BRAP: variants seen among roughly 807,000 people sequenced by gnomAD.
BRAP encodes BRCA1-associated protein.
In BRAP, 42 loss-of-function variants were observed where a neutral mutation model predicts 73.4. That is an observed-to-expected ratio of 0.57 (90% CI 0.45 to 0.74). The LOEUF is 0.74. BRAP is among the 30% of genes least tolerant of loss of function. The pLI is 0.00. For missense variants in BRAP, 593 were observed against 751.4 expected, an observed-to-expected ratio of 0.79 and a Z score of 2.46; for synonymous variants, 255 against 267.4, an observed-to-expected ratio of 0.95 and a Z score of 0.45.
At position 111,679,323 on chromosome 12, in the gene BRAP, T is replaced by A. The variant is rs765169814; in HGVS notation, c.461A>T (p.Lys154Ile). The change falls in exon 4 of 12, where the codon AAA becomes ATA. Residue 154 changes from lysine to isoleucine, a missense_variant. Around this residue, in one of 4 missense-constraint regions of BRAP, gnomAD observed 304 missense variants for 337.7 expected, o/e 0.90. Coordinates refer to ENST00000419234, the MANE Select transcript of BRAP (RefSeq NM_006768.5). ...LYKTNKMTSL[K>I]EDVRRSAMLC... ...CATGGCACTGCGCCGCACATCTTCT[T>A]TTAAGGAGGTCATCTTACTAACAAA... is the stretch of plus-strand genomic sequence containing the variant. 1 of 1,547,976 alleles carries A rather than the reference T, an allele frequency of 6.5e-7. No individual in the cohort carries two copies. The highest frequency in any genetic ancestry group is 8.7e-7 in the Non-Finnish European group (1 of 1,143,376).
At chr12:111,651,056 A>C (rs146782636) in intron 10 of BRAP, among the ~76,000 whole-genome samples, 1 of 152,150 alleles carries the variant, frequency 6.6e-6, no homozygotes, top group Non-Finnish European at 1.5e-5. Flanking sequence ...GACACCAGCA[A>C]AAGATTTGGT....
Position 111,679,345 on chromosome 12 carries a change from C to CAAAA in BRAP, c.444-9_444-6dup. 7.5e-7 allele frequency: 1 copy of CAAAA among 1,336,700 alleles called. No individual in the cohort carries two copies. The highest frequency in any genetic ancestry group is 2.4e-5 in the Admixed American group (1 of 41,184). 82.8% of individuals were successfully genotyped at this position (1,336,700 alleles called of 1,614,324 possible). A position where few individuals can be genotyped will look rare whatever the true frequency, so the allele number is the denominator to read the frequency against. ...TCTTTTAAGGAGGTCATCTTACTAA[C>CAAAA]AAAAAAAAAATTAGAGTGTCTTGAA... On this transcript the variant is annotated splice_region_variant and splice_polypyrimidine_tract_variant and intron_variant, in intron 3 of 11. Coordinates refer to ENST00000419234, the MANE Select transcript of BRAP (RefSeq NM_006768.5).
chr12:111,684,153 C>T (rs949645242), intron 1 of BRAP, among the ~76,000 whole-genome samples: 1 of 152,166 alleles, frequency 6.6e-6, no homozygotes, highest in Non-Finnish European at 1.5e-5. Flanking sequence ...CTAATACATG[C>T]TCTGTCAGGG....
chr12:111,660,782 T>C, intron 6 of BRAP, 107 bp from the exon 7 acceptor site: 1 of 767,044 alleles, frequency 1.3e-6, no homozygotes, highest in Non-Finnish European at 2.0e-6. Flanking sequence ...TCTTATATGC[T>C]ATTTTTATCA....
At position 111,679,308 on chromosome 12, in the gene BRAP, C is replaced by T. The variant is rs760754350; in HGVS notation, c.476G>A (p.Arg159His). The change falls in exon 4 of 12, where the codon CGC becomes CAC. Residue 159 changes from arginine to histidine, a missense_variant. Arg to His is a conservative substitution (Grantham distance 29). Transcript: ENST00000419234. Reference sequence around the variant, plus strand: ...TGTGAGAATACACAGCATGGCACTGCGCCGCACATCTTCTTTTAAGGAGGT... The same window carrying T: ...TGTGAGAATACACAGCATGGCACTGTGCCGCACATCTTCTTTTAAGGAGGT... ...KMTSLKEDVR[R>H]SAMLCILTVP... 15 of 1,567,444 alleles carry T rather than the reference C, an allele frequency of 9.6e-6. No individual in the cohort carries two copies. Among genetic ancestry groups the T allele is most frequent in the Middle Eastern group, 1.7e-4 (1 of 5,892 alleles).
chr12:111,652,661 G>C (rs1886372531), intron 10 of BRAP, among the ~76,000 whole-genome samples: 2 of 152,162 alleles, frequency 1.3e-5, no homozygotes, highest in Non-Finnish European at 2.9e-5. Flanking sequence ...AGGTTTGCTT[G>C]AGCCCAGGAG....
Position 111,643,904 on chromosome 12 carries a change from G to A in BRAP, c.*295C>T, listed in dbSNP as rs903080431. 3 of 363,528 alleles carry A rather than the reference G, an allele frequency of 8.3e-6. No individual in the cohort carries two copies. The highest frequency in any genetic ancestry group is 6.1e-5 in the African/African-American group (3 of 48,960). 22.5% of individuals were successfully genotyped at this position (363,528 alleles called of 1,614,324 possible). On this transcript the variant is annotated 3_prime_UTR_variant, in exon 12 of 12. Transcript: ENST00000419234. ...AATACGCCAACTCCATAAATACAAT[G>A]GAAAAATGCACAGCAGAGTTGGGGC...
intron 4 of BRAP, among the ~76,000 whole-genome samples, chr12:111,675,326 A>C (rs562326183): frequency 1.7e-4 from 26 of 151,964 alleles, no homozygotes; most frequent in Non-Finnish European, 3.8e-4. Context: ...GGTGGCCTAC[A>C]CTAGGATGAT....
chr12:111,665,607 T>C lies in BRAP; in HGVS notation c.896+32A>G, dbSNP rs372543355. 198 of 1,610,596 alleles carry C rather than the reference T, an allele frequency of 1.2e-4. 2 individuals are homozygous for C. Among genetic ancestry groups the C allele is most frequent in the South Asian group, 1.6e-4 (15 of 90,992 alleles). ...AATTCTGGAAGGGTTGCAATGGGCT[T>C]GTACACAGAGGGGTTCGGCCCCTGC... is the stretch of plus-strand genomic sequence containing the variant. On this transcript the variant is annotated intron_variant, in intron 6 of 11. Coordinates refer to ENST00000419234, the MANE Select transcript of BRAP (RefSeq NM_006768.5). The surrounding 1 kb of genome is among the most constrained non-coding windows in gnomAD (Gnocchi z 4.3).
chr12:111,657,654 C>T (rs762253916), intron 9 of BRAP, among the ~76,000 whole-genome samples: 13 of 151,950 alleles, frequency 8.6e-5, no homozygotes, highest in Non-Finnish European at 1.8e-4. Flanking sequence ...CTGAGGCAGG[C>T]GGACCACGAG....
chr12:111,644,101 G>A lies in BRAP; in HGVS notation c.*98C>T, dbSNP rs1886002182. 6.7e-7 allele frequency: 1 copy of A among 1,484,754 alleles called. No homozygotes were observed. Among genetic ancestry groups the A allele is most frequent in the Admixed American group, 2.1e-5 (1 of 47,116 alleles). The allele number at this position is 1,484,754 out of a possible 1,614,324, so 92.0% of individuals were successfully genotyped here. A position where few individuals can be genotyped will look rare whatever the true frequency, so the allele number is the denominator to read the frequency against. On this transcript the variant is annotated 3_prime_UTR_variant, in exon 12 of 12. Coordinates refer to ENST00000419234, the MANE Select transcript of BRAP (RefSeq NM_006768.5). ...AACAACTGTGGCTTGATCCTCACTT[G>A]TACTTATTAGGGCCCACCCTCACAT...
chr12:111,661,338 G>T lies in BRAP; in HGVS notation c.897-663C>A, dbSNP rs796381543. 3.4e-5 allele frequency among the ~76,000 whole-genome samples: 5 copies of T among 147,702 alleles called. No individual in the cohort carries two copies. The South Asian group carries it at 6.4e-4, about 19-fold the overall frequency. On this transcript the variant is annotated intron_variant, in intron 6 of 11. Coordinates refer to ENST00000419234, the MANE Select transcript of BRAP (RefSeq NM_006768.5). The stretch of plus-strand genomic sequence containing the variant: ...TTTGTTGCCCAGGCTGGAGTGCAAC[G>T]GCATAGTATCAGCTCACTGCAACCT...
intron 10 of BRAP, among the ~76,000 whole-genome samples, chr12:111,654,079 GTGGAGCTGCCAA>G (rs1278150598): frequency 2.0e-5 from 3 of 152,324 alleles, no homozygotes. Context: ...TGCAGCTGCA[GTGGAGCTGCCAA>G]TGCACTTCCC....
intron 5 of BRAP, among the ~76,000 whole-genome samples, chr12:111,667,718 A>AAAAAAAAAAAAAAC (rs1434272891): frequency 6.8e-6 from 1 of 148,048 alleles, no homozygotes; most frequent in African/African-American, 2.5e-5. Context: ...AAAAAAAAAA[A>AAAAAAAAAAAAAAC]AAAGCTCATA....
At chr12:111,669,912 G>C in intron 5 of BRAP, 1 of 643,404 alleles carries the variant, frequency 1.6e-6, no homozygotes. Context: ...CATAGCTTCT[G>C]GTTATCAAAA....
intron 2 of BRAP, 137 bp downstream of exon 2, chr12:111,683,009 T>C (rs1282165974): frequency 1.1e-6 from 1 of 887,536 alleles, no homozygotes; most frequent in East Asian, 2.6e-5. Flanking sequence ...GGCTTAACAG[T>C]GTCATATAAA....
chr12:111,656,032 C>T (rs1288760534), intron 9 of BRAP, among the ~76,000 whole-genome samples: 2 of 152,152 alleles, frequency 1.3e-5, no homozygotes, highest in East Asian at 1.9e-4. Context: ...AGTCAGGCAC[C>T]CCCTGACTGA....
intron 11 of BRAP, among the ~76,000 whole-genome samples, chr12:111,647,524 A>G (rs1185856834): frequency 1.3e-5 from 2 of 152,206 alleles, no homozygotes; most frequent in Non-Finnish European, 2.9e-5. Flanking sequence ...TTAACACTAG[A>G]TAGCAGGATC....
intron 5 of BRAP, among the ~76,000 whole-genome samples, chr12:111,670,707 C>T (rs891029472): frequency 1.3e-5 from 2 of 149,764 alleles, no homozygotes; most frequent in South Asian, 2.3e-4. Flanking sequence ...CCAGGCTGGT[C>T]TCAAACTCCT....
Sources: gnomAD v4.1 joint callset for allele counts (sites outside exome capture counted in the v4.1 genomes callset) on GRCh38, gnomAD v4.1.1 for gene constraint, gnomAD v4.1.1 regional missense constraint, Gnocchi (gnomAD v3.1) non-coding constraint, MANE v1.5 for transcripts, NCBI Gene and HGNC (gene_info 2026-07-23, HGNC 2026-07-21) for gene names.